ZNF10: variants seen among roughly 807,000 people sequenced by gnomAD.
ZNF10 encodes the protein zinc finger protein 10, also known as zinc finger protein 10 (KOX 1).
Under a neutral mutation model 12.2 loss-of-function variants are expected in ZNF10, and 8 were observed. The observed-to-expected ratio is 0.66, with a 90% confidence interval of 0.39 to 1.18. The LOEUF (loss-of-function observed/expected upper bound fraction) is 1.18. Among genes scored for constraint, ZNF10 ranks in the 50% most tolerant of loss-of-function variants. The pLI, the probability that ZNF10 is intolerant of heterozygous loss-of-function variation, is 0.01. For synonymous variants in ZNF10, 229 were observed against 228.2 expected, an observed-to-expected ratio of 1.00 and a Z score of -0.03; for missense variants, 603 against 678.9, an observed-to-expected ratio of 0.89 and a Z score of 1.24.
chr12:133,152,793 T>C (rs1196198523), intron 4 of ZNF10, among the ~76,000 whole-genome samples: 8 of 152,330 alleles, frequency 5.3e-5, no homozygotes, highest in African/African-American at 1.9e-4. Context: ...GAGTGTGATG[T>C]AAATTAAATC....
chr12:133,155,994 G>C lies in ZNF10; in HGVS notation c.748G>C (p.Gly250Arg), dbSNP rs146425806. The C allele has an allele frequency of 1.2e-6, 2 of 1,613,924 alleles. No homozygotes were observed. Among genetic ancestry groups the C allele is most frequent in the South Asian group, 2.2e-5 (2 of 91,082 alleles). ...CPDNDNSLTH[G>R]SSLGISKGIH... ...TGATAATGACAACTCTCTTACTCAT[G>C]GTTCATCTCTTGGTATATCAAAGGG... Residue 250 changes from glycine (G) to arginine (R), a missense_variant, in exon 5 of 5, where the codon GGT (glycine) becomes CGT (arginine). Coordinates refer to ENST00000248211, the MANE Select transcript of ZNF10 (RefSeq NM_015394.5).
At chr12:133,145,758 T>C (rs1487446190) in intron 2 of ZNF10, among the ~76,000 whole-genome samples, 1 of 151,840 alleles carries the variant, frequency 6.6e-6, no homozygotes, top group Non-Finnish European at 1.5e-5. Context: ...TGAGCCAAGA[T>C]CATGCCACTG....
chr12:133,148,813 C>T (rs1169595490), intron 2 of ZNF10, among the ~76,000 whole-genome samples: 9 of 143,522 alleles, frequency 6.3e-5, no homozygotes, highest in African/African-American at 2.3e-4. Flanking sequence ...AGTGCAATGC[C>T]GATATCTTGG....
At chr12:133,148,028 T>C (rs1473383815) in intron 2 of ZNF10, among the ~76,000 whole-genome samples, 1 of 152,180 alleles carries the variant, frequency 6.6e-6, no homozygotes, top group Non-Finnish European at 1.5e-5. Context: ...TTTCCTGGTC[T>C]CTGGCTTGTC....
chr12:133,139,315 A>G (rs1484795336), intron 1 of ZNF10: 1 of 152,216 alleles, frequency 6.6e-6, no homozygotes, highest in African/African-American at 2.4e-5. Context: ...AAGAGACAAG[A>G]AAAGGAAGAA....
In ZNF10 at chr12:133,151,163, A is replaced by T; in HGVS notation, c.160+9A>T. On this transcript the variant is annotated intron_variant, in intron 3 of 4. Coordinates refer to ENST00000248211, the MANE Select transcript of ZNF10 (RefSeq NM_015394.5). ...GAACCTGGTTTCCTTGGGTAAGACT[A>T]GCTCTGTTTTTGAAGATTTTGGTTC... is the stretch of plus-strand genomic sequence containing the variant. 6.2e-7 allele frequency: 1 copy of T among 1,607,650 alleles called. No individual in the cohort carries two copies. Among genetic ancestry groups the T allele is most frequent in the Non-Finnish European group, 8.5e-7 (1 of 1,176,054 alleles).
intron 2 of ZNF10, among the ~76,000 whole-genome samples, chr12:133,149,216 C>A (rs946280271): frequency 3.3e-5 from 5 of 152,054 alleles, no homozygotes; most frequent in African/African-American, 1.2e-4. Flanking sequence ...CCACCTGTCT[C>A]CCCAGTAGCT....
chr12:133,136,362 C>G (rs1324089553), intron 1 of ZNF10, among the ~76,000 whole-genome samples: 1 of 152,180 alleles, frequency 6.6e-6, no homozygotes, highest in Non-Finnish European at 1.5e-5. Flanking sequence ...TGTATTGAAA[C>G]TGATCTCCTC....
In ZNF10 at chr12:133,150,533, T is replaced by G. The variant is rs1956000776; in HGVS notation, c.34-495T>G. On this transcript the variant is annotated intron_variant, in intron 2 of 4. Transcript: ENST00000248211. ...TCTCCTGTTTCTTTGTCAAATTGTT[T>G]TGCTACTGCTAAAATATAATCTCCC... is the stretch of plus-strand genomic sequence containing the variant. Among the ~76,000 whole-genome samples, 3 of 152,218 alleles carry G rather than the reference T, an allele frequency of 2.0e-5. No homozygotes were observed. The South Asian group carries it at 6.2e-4, about 32-fold the overall frequency.
At chr12:133,142,478 A>G (rs999376696) in intron 1 of ZNF10, among the ~76,000 whole-genome samples, 4 of 152,078 alleles carry the variant, frequency 2.6e-5, no homozygotes, top group African/African-American at 9.7e-5. Context: ...TTTAATATCT[A>G]GAATATACAA....
chr12:133,150,937 G>C, intron 2 of ZNF10, 91 bp from the exon 3 acceptor site: 1 of 1,494,432 alleles, frequency 6.7e-7, no homozygotes, highest in Admixed American at 1.9e-5. Context: ...CCCCAGTGCT[G>C]TCAGCTTAAT....
In ZNF10 at chr12:133,144,536, C is replaced by T. The variant is rs1306742342; in HGVS notation, c.33+11C>T. The stretch of plus-strand genomic sequence containing the variant: ...ACTGCCTGGTCCCGGGTAAGCTGGG[C>T]TTTCTTCCCAGTTTCCAACTGGGAA... On this transcript the variant is annotated intron_variant, in intron 2 of 4. Coordinates refer to ENST00000248211, the MANE Select transcript of ZNF10 (RefSeq NM_015394.5). 6.2e-7 allele frequency: 1 copy of T among 1,613,342 alleles called. No individual in the cohort carries two copies. Among genetic ancestry groups the T allele is most frequent in the Admixed American group, 1.7e-5 (1 of 59,918 alleles).
chr12:133,141,178 A>T (rs1955942545), intron 1 of ZNF10, among the ~76,000 whole-genome samples: 1 of 152,230 alleles, frequency 6.6e-6, no homozygotes, highest in Non-Finnish European at 1.5e-5. Flanking sequence ...GGCACTGCTA[A>T]ATCTGTCTAG....
chr12:133,151,187 T>C, intron 3 of ZNF10, 33 bp downstream of exon 3: 1 of 1,595,274 alleles, frequency 6.3e-7, no homozygotes, highest in Non-Finnish European at 8.6e-7. Context: ...AGATTTTGGT[T>C]CTCCATTGAT....
intron 2 of ZNF10, among the ~76,000 whole-genome samples, chr12:133,147,614 T>TC (rs1231118046): frequency 6.7e-6 from 1 of 148,978 alleles, no homozygotes; most frequent in Non-Finnish European, 1.5e-5. Context: ...CTGAGTTTTT[T>TC]TTTTTTTTTT....
At chr12:133,134,173 T>C (rs939977851) in intron 1 of ZNF10, among the ~76,000 whole-genome samples, 7 of 140,520 alleles carry the variant, frequency 5.0e-5, no homozygotes, top group Non-Finnish European at 7.7e-5. Flanking sequence ...ATTAGCTGAG[T>C]GTGGTGGTGG....
At chr12:133,131,729 T>C (rs1377616290) in intron 1 of ZNF10, among the ~76,000 whole-genome samples, 2 of 152,228 alleles carry the variant, frequency 1.3e-5, no homozygotes, top group Non-Finnish European at 2.9e-5. Flanking sequence ...CCTGCCTCTT[T>C]TTGAAAGTTA....
intron 1 of ZNF10, among the ~76,000 whole-genome samples, chr12:133,134,811 T>C (rs1210387484): frequency 3.4e-5 from 3 of 87,172 alleles, no homozygotes; most frequent in Middle Eastern, 4.8e-3. Context: ...AATAGAATTA[T>C]ATAGTCTTCT....
At chr12:133,143,069 G>A (rs953671269) in intron 1 of ZNF10, among the ~76,000 whole-genome samples, 27 of 152,168 alleles carry the variant, frequency 1.8e-4, no homozygotes, top group African/African-American at 6.0e-4. Flanking sequence ...AATGTATACT[G>A]AGTGAAATAA....
Sources: allele counts gnomAD v4.1 joint callset (sites outside exome capture counted in the v4.1 genomes callset), GRCh38; gene constraint gnomAD v4.1.1; transcripts MANE v1.5; gene names NCBI Gene and HGNC (gene_info 2026-07-23, HGNC 2026-07-21).